AZIN2: variants seen among roughly 807,000 people sequenced by gnomAD.
The protein encoded by AZIN2 is ODC antizyme inhibitor-2.
AZIN2 carries 28 observed loss-of-function variants against 47.8 expected under a neutral mutation model. The observed-to-expected ratio is 0.59, with a 90% CI of 0.43 to 0.80. The LOEUF (loss-of-function observed/expected upper bound fraction) is 0.80. Among genes scored for constraint, AZIN2 ranks in the 30% least tolerant of loss-of-function variants. AZIN2 has a pLI of 0.00. For missense variants in AZIN2, 535 were observed against 582.5 expected, an observed-to-expected ratio of 0.92 and a Z score of 0.84; for synonymous variants, 221 against 239.4, an observed-to-expected ratio of 0.92 and a Z score of 0.71.
chr1:33,110,575 T>C (rs990624675), intron 10 of AZIN2, among the ~76,000 whole-genome samples: 9 of 151,924 alleles, frequency 5.9e-5, no homozygotes, highest in Non-Finnish European at 1.0e-4. Flanking sequence ...GAACTAGAAA[T>C]GAAAAATATG....
chr1:33,147,859 A>G, the AZIN2 span: 1 of 998,238 alleles, frequency 1.0e-6, no homozygotes, highest in Non-Finnish European at 1.4e-6. This position sits in a 1 kb window ranked among gnomAD's most constrained non-coding sequence, Gnocchi z 8.1. Context: ...CCTTGAATAC[A>G]AGTCTGCCCT....
the AZIN2 span, chr1:33,146,055 C>T: frequency 2.7e-6 from 1 of 364,544 alleles, no homozygotes. Context: ...AGCTTTCTGG[C>T]ATAGTGGCTT....
At chr1:33,097,406 G>T (rs1466471646) in intron 9 of AZIN2, among the ~76,000 whole-genome samples, 1 of 152,198 alleles carries the variant, frequency 6.6e-6, no homozygotes, top group African/African-American at 2.4e-5. Context: ...TTCAGGTTAG[G>T]CTGACTCAGC....
the AZIN2 span, chr1:33,159,791 G>C: frequency 6.2e-7 from 1 of 1,613,884 alleles, no homozygotes; most frequent in Non-Finnish European, 8.5e-7. The surrounding 1 kb of genome is among the most constrained non-coding windows in gnomAD (Gnocchi z 4.2). Flanking sequence ...CGCAGCTGCT[G>C]GCTGTAGCGC....
chr1:33,137,201 A>G, the AZIN2 span, among the ~76,000 whole-genome samples: 9 of 152,188 alleles, frequency 5.9e-5, no homozygotes, highest in East Asian at 1.7e-3. Flanking sequence ...ACAGGGTAGT[A>G]TGGGGACTGG....
At chr1:33,101,778 A>T in intron 10 of AZIN2, 1 of 749,624 alleles carries the variant, frequency 1.3e-6, no homozygotes, top group Admixed American at 1.9e-5. Flanking sequence ...TTGCTTTATA[A>T]AAAGGTATTT....
At chr1:33,083,751 T>A (rs1641550404) in intron 4 of AZIN2, 1 of 604,658 alleles carries the variant, frequency 1.7e-6, no homozygotes, top group Admixed American at 2.7e-5. Flanking sequence ...AGGGGAGGGA[T>A]TGGGGCTAGA....
chr1:33,147,312 A>G, the AZIN2 span: 2 of 1,614,208 alleles, frequency 1.2e-6, no homozygotes, highest in Non-Finnish European at 1.7e-6. This position sits in a 1 kb window ranked among gnomAD's most constrained non-coding sequence, Gnocchi z 8.1. Flanking sequence ...TGTCATCAGC[A>G]TTGTAGAAGA....
In AZIN2 at chr1:33,114,392, C is replaced by T. The variant is rs1332547922; in HGVS notation, c.1030-3510C>T. Among the ~76,000 whole-genome samples the T allele has an allele frequency of 5.1e-5, 7 of 137,874 alleles. No homozygotes were observed. The East Asian group carries it at 8.4e-4, about 17-fold the overall frequency. 90.5% of individuals were successfully genotyped at this position (137,874 alleles called of 152,430 possible). On this transcript the variant is annotated intron_variant, in intron 10 of 11. Transcript: ENST00000294517. Reference sequence around the variant, plus strand: ...TTTTTGAGATGGAGTCCCGCTCTGTCGCCCAGGCTGGAGTGCAGTGGCGCA... The same window carrying T: ...TTTTTGAGATGGAGTCCCGCTCTGTTGCCCAGGCTGGAGTGCAGTGGCGCA...
chr1:33,083,291 G>A (rs977883149), intron 4 of AZIN2: 2 of 154,890 alleles, frequency 1.3e-5, no homozygotes, highest in Admixed American at 6.3e-5. Context: ...TGAGTCCCAG[G>A]GAAGCAACTC....
the AZIN2 span, among the ~76,000 whole-genome samples, chr1:33,135,890 A>G: frequency 6.7e-6 from 1 of 150,104 alleles, no homozygotes; most frequent in Non-Finnish European, 1.5e-5. Context: ...TGAATGAGGG[A>G]GTGAGGGAGT....
chr1:33,120,072 G>A lies in AZIN2; in HGVS notation c.1273G>A (p.Ala425Thr). The change falls in exon 12 of 12, where the codon GCA (alanine) becomes ACA (threonine). Residue 425 changes from alanine to threonine, a missense_variant. Transcript: ENST00000294517. ...WEALRRQLMAAEQEDDVEGVC... is the reference protein window; with the variant it reads ...WEALRRQLMATEQEDDVEGVC... ...AGCGCTGCGAAGGCAGCTGATGGCT[G>A]CAGAACAGGAGGATGACGTGGAGGG... The A allele has an allele frequency of 6.2e-7, 1 of 1,614,028 alleles. No individual in the cohort carries two copies. Among genetic ancestry groups the A allele is most frequent in the Non-Finnish European group, 8.5e-7 (1 of 1,179,974 alleles).
intron 10 of AZIN2, among the ~76,000 whole-genome samples, chr1:33,110,104 G>A (rs1039309876): frequency 6.6e-5 from 10 of 152,178 alleles, no homozygotes; most frequent in African/African-American, 1.7e-4. Context: ...ATTCTACAGA[G>A]AATGGCAGCA....
the AZIN2 span, among the ~76,000 whole-genome samples, chr1:33,155,091 T>TTTG: frequency 1.5e-5 from 2 of 134,188 alleles, no homozygotes; most frequent in African/African-American, 5.3e-5. Context: ...AGACTCCATC[T>TTTG]CAAAAGGTCT....
chr1:33,136,830 C>A, the AZIN2 span, among the ~76,000 whole-genome samples: 1 of 151,606 alleles, frequency 6.6e-6, no homozygotes, highest in Non-Finnish European at 1.5e-5. Context: ...AACCCTGTCT[C>A]TACTAAAAAT....
At chr1:33,112,335 A>G (rs867993595) in intron 10 of AZIN2, among the ~76,000 whole-genome samples, 8 of 152,244 alleles carry the variant, frequency 5.3e-5, no homozygotes, top group Admixed American at 3.9e-4. Context: ...TCTTTATAAT[A>G]TAAAACATTG....
At chr1:33,100,015 G>C (rs897892628) in intron 10 of AZIN2, among the ~76,000 whole-genome samples, 5 of 151,024 alleles carry the variant, frequency 3.3e-5, no homozygotes, top group Admixed American at 2.6e-4. Context: ...TTTGTGTTTA[G>C]ACCTGGGTAT....
chr1:33,150,265 G>C, the AZIN2 span, among the ~76,000 whole-genome samples: 1 of 152,206 alleles, frequency 6.6e-6, no homozygotes, highest in Non-Finnish European at 1.5e-5. Flanking sequence ...GGCGAAGTGG[G>C]GACATGGTTA....
At position 33,081,202 on chromosome 1, in the gene AZIN2, C is replaced by G. The variant is rs926266005; in HGVS notation, c.-498C>G. 3 of 154,148 alleles carry G rather than the reference C, an allele frequency of 1.9e-5. No homozygotes were observed. The highest frequency in any genetic ancestry group is 4.3e-5 in the Non-Finnish European group (3 of 69,350). 9.5% of individuals were successfully genotyped at this position (154,148 alleles called of 1,614,324 possible). ...CTGGCGGGGCGCAGGCCGCGGGACC[C>G]GAGCCCGGGGAAGCGAGAGAGCGGA... is the stretch of plus-strand genomic sequence containing the variant. On this transcript the variant is annotated 5_prime_UTR_variant, in exon 1 of 12. Transcript: ENST00000294517. This position sits in a 1 kb window ranked among gnomAD's most constrained non-coding sequence, Gnocchi z 4.2.
Sources: allele counts gnomAD v4.1 joint callset (sites outside exome capture counted in the v4.1 genomes callset), GRCh38; gene constraint gnomAD v4.1.1; non-coding constraint Gnocchi (gnomAD v3.1); transcripts MANE v1.5; gene names NCBI Gene and HGNC (gene_info 2026-07-23, HGNC 2026-07-21).